NRXN2: variants seen among roughly 807,000 people sequenced by gnomAD.
NRXN2 encodes the protein neurexin-2-beta.
NRXN2 carries 29 observed loss-of-function variants against 128.8 expected under a neutral mutation model. The observed-to-expected ratio is 0.23, with a 90% confidence interval of 0.17 to 0.31. The LOEUF is 0.31. Ranked by LOEUF, NRXN2 falls within the 10% of genes least tolerant of loss-of-function variation. The pLI is 1.00. For missense variants in NRXN2, 1,881 were observed against 2,452.6 expected (o/e 0.77, Z 4.92); for synonymous variants, 1,098 against 1,075.2 (o/e 1.02, Z -0.41).
At chr11:64,690,216 T>G (rs1246823143) in intron 5 of NRXN2, among the ~76,000 whole-genome samples, 189 bp downstream of exon 5, 1 of 152,246 alleles carries the variant, frequency 6.6e-6, no homozygotes, top group African/African-American at 2.4e-5. Context: ...TGGAGGTTTG[T>G]GGCCCTTCAC....
At chr11:64,671,744 G>A (rs1380698544) in intron 7 of NRXN2, among the ~76,000 whole-genome samples, 1 of 152,030 alleles carries the variant, frequency 6.6e-6, no homozygotes, top group Non-Finnish European at 1.5e-5. Context: ...GCTTCCTTCC[G>A]ATGATGGGGG....
At chr11:64,650,741 A>G (rs1591803782) in intron 14 of NRXN2, 103 bp from the exon 15 acceptor site, 1 of 1,151,236 alleles carries the variant, frequency 8.7e-7, no homozygotes. Context: ...GTGCCATGGG[A>G]AGAGGGATTG....
intron 2 of NRXN2, among the ~76,000 whole-genome samples, chr11:64,705,003 G>A (rs1357716100): frequency 6.6e-6 from 1 of 152,168 alleles, no homozygotes; most frequent in Non-Finnish European, 1.5e-5. Context: ...TCTGGGATGG[G>A]TTCCTCTCCA....
chr11:64,678,765 C>T (rs1236827489), intron 6 of NRXN2, among the ~76,000 whole-genome samples: 1 of 151,824 alleles, frequency 6.6e-6, no homozygotes, highest in Non-Finnish European at 1.5e-5. Flanking sequence ...TGCTTGATGC[C>T]TGTTAAATAC....
chr11:64,713,132 C>G lies in NRXN2; in HGVS notation c.568G>C (p.Ala190Pro). ...ANLKLGERPP[A>P]LLGSQGLRGA... ...CGCAGGCCCTGGCTGCCCAGCAGCG[C>G]GGGGGGCCGCTCGCCCAGCTTCAGG... is the stretch of plus-strand genomic sequence containing the variant. The change falls in exon 2 of 23, where the codon GCG (alanine) becomes CCG (proline). Residue 190 changes from alanine to proline, a missense_variant. Ala to Pro is a conservative substitution (Grantham distance 27, BLOSUM62 -1). Transcript: ENST00000265459. 2 of 1,433,062 alleles carry G rather than the reference C, an allele frequency of 1.4e-6. No individual in the cohort carries two copies. The highest frequency in any genetic ancestry group is 1.8e-6 in the Non-Finnish European group (2 of 1,092,876). 88.8% of individuals were successfully genotyped at this position (1,433,062 alleles called of 1,614,324 possible).
At chr11:64,680,469 C>G (rs1565392365) in intron 6 of NRXN2, among the ~76,000 whole-genome samples, 1 of 152,192 alleles carries the variant, frequency 6.6e-6, no homozygotes, top group African/African-American at 2.4e-5. Flanking sequence ...GCATTTTGCA[C>G]CAATGACAAC....
chr11:64,695,055 T>C (rs1409445512), intron 3 of NRXN2, among the ~76,000 whole-genome samples: 3 of 152,140 alleles, frequency 2.0e-5, no homozygotes, highest in Non-Finnish European at 4.4e-5. Context: ...GCACCAGCCA[T>C]CTTGGTGAAG....
chr11:64,642,899 G>C, intron 17 of NRXN2: 2 of 1,030,866 alleles, frequency 1.9e-6, no homozygotes, highest in Non-Finnish European at 2.3e-6. Context: ...TCCGAGCTCC[G>C]GGAGCGGGGT....
chr11:64,722,155 G>A (rs983989571), intron 1 of NRXN2, among the ~76,000 whole-genome samples: 12 of 151,980 alleles, frequency 7.9e-5, no homozygotes, highest in African/African-American at 2.9e-4. Flanking sequence ...CTCTTTAGGG[G>A]TGGGGGAGCA....
At position 64,713,291 on chromosome 11, in the gene NRXN2, C is replaced by A. The variant is rs1337883189; in HGVS notation, c.409G>T (p.Val137Leu). The A allele has an allele frequency of 6.5e-6, 9 of 1,375,704 alleles. No individual in the cohort carries two copies. The highest frequency in any genetic ancestry group is 1.5e-5 in the African/African-American group (1 of 65,662). 85.2% of individuals were successfully genotyped at this position (1,375,704 alleles called of 1,614,324 possible). The change falls in exon 2 of 23, where the codon GTG becomes TTG. Residue 137 changes from valine (V) to leucine (L), a missense_variant. Around this residue, in one of 7 missense-constraint regions of NRXN2, gnomAD observed 997 missense variants for 1,240.8 expected, o/e 0.80. Coordinates refer to ENST00000265459, the MANE Select transcript of NRXN2 (RefSeq NM_015080.4). ...AVDGEARAAEVRSKRREMQVA... is the reference protein window; with the variant it reads ...AVDGEARAAELRSKRREMQVA... The stretch of plus-strand genomic sequence containing the variant: ...TGCATCTCGCGCCGCTTGGAGCGCA[C>A]CTCGGCGGCGCGGGCCTCGCCGTCC...
intron 8 of NRXN2, 62 bp downstream of exon 8, chr11:64,668,381 C>G (rs141220585): frequency 6.3e-7 from 1 of 1,599,118 alleles, no homozygotes; most frequent in African/African-American, 1.3e-5. Context: ...GACTAAGTCA[C>G]GCTGAAGACA....
At chr11:64,645,319 TG>T (rs1038987434) in intron 17 of NRXN2, among the ~76,000 whole-genome samples, 1 of 148,300 alleles carries the variant, frequency 6.7e-6, no homozygotes, top group Non-Finnish European at 1.5e-5. Flanking sequence ...TGGAGAGAGA[TG>T]GGGGGGCCAA....
chr11:64,681,471 A>T (rs1464918869), intron 6 of NRXN2, among the ~76,000 whole-genome samples: 1 of 152,236 alleles, frequency 6.6e-6, no homozygotes, highest in Admixed American at 6.5e-5. Flanking sequence ...GGCTGGCTGG[A>T]GGAAGGGATC....
chr11:64,711,271 G>A (rs563595797), intron 2 of NRXN2, among the ~76,000 whole-genome samples: 1 of 152,192 alleles, frequency 6.6e-6, no homozygotes, highest in Non-Finnish European at 1.5e-5. Flanking sequence ...ACTCTGGGGG[G>A]ACGGACACAC....
chr11:64,719,517 G>A (rs960248342), intron 1 of NRXN2, among the ~76,000 whole-genome samples: 2 of 152,210 alleles, frequency 1.3e-5, no homozygotes, highest in Non-Finnish European at 2.9e-5. Flanking sequence ...TCTGTGTCAT[G>A]GAGAGAAGCA....
At chr11:64,625,200 C>T (rs528903086) in intron 20 of NRXN2, among the ~76,000 whole-genome samples, 1 of 152,378 alleles carries the variant, frequency 6.6e-6, no homozygotes, top group South Asian at 2.1e-4. Flanking sequence ...CTGTCCAGCT[C>T]TCCCTGCTCT....
In NRXN2 at chr11:64,635,199, TGGC is replaced by T; in HGVS notation, c.3585+69_3585+71del. 6.4e-7 allele frequency: 1 copy of T among 1,551,040 alleles called. No individual in the cohort carries two copies. The highest frequency in any genetic ancestry group is 1.4e-5 in the African/African-American group (1 of 73,734). On this transcript the variant is annotated intron_variant, in intron 18 of 22. Coordinates refer to ENST00000265459, the MANE Select transcript of NRXN2 (RefSeq NM_015080.4). This position sits in a 1 kb window ranked among gnomAD's most constrained non-coding sequence, Gnocchi z 4.8. ...GGGAAGACTTGAGGTGCTGATCCCA[TGGC>T]AATGAGGGGCTGAACTGATTTGGGA... is the stretch of plus-strand genomic sequence containing the variant.
At position 64,631,206 on chromosome 11, in the gene NRXN2, A is replaced by G. The variant is rs1024959556; in HGVS notation, c.3586-633T>C. ...ATGGGGGTGGAGGTGGGGGGTGTGGACTGTGTGTATGGTGGGATGGACACC... is the reference window on the plus strand; with the variant it reads ...ATGGGGGTGGAGGTGGGGGGTGTGGGCTGTGTGTATGGTGGGATGGACACC... On this transcript the variant is annotated intron_variant, in intron 18 of 22. Coordinates refer to ENST00000265459, the MANE Select transcript of NRXN2 (RefSeq NM_015080.4). The surrounding 1 kb of genome is among the most constrained non-coding windows in gnomAD (Gnocchi z 4.8). Among the ~76,000 whole-genome samples the G allele has an allele frequency of 6.6e-6, 1 of 150,618 alleles. No individual in the cohort carries two copies. The highest frequency in any genetic ancestry group is 6.6e-5 in the Admixed American group (1 of 15,108).
chr11:64,618,134 C>T (rs1247481552), intron 22 of NRXN2, among the ~76,000 whole-genome samples: 11 of 152,214 alleles, frequency 7.2e-5, no homozygotes, highest in Admixed American at 6.5e-4. Context: ...GCTTCAGCGC[C>T]TCCTCACCCT....
Sources: allele counts gnomAD v4.1 joint callset (sites outside exome capture counted in the v4.1 genomes callset), GRCh38; gene constraint gnomAD v4.1.1; regional missense constraint gnomAD v4.1.1; non-coding constraint Gnocchi (gnomAD v3.1); transcripts MANE v1.5; gene names NCBI Gene and HGNC (gene_info 2026-07-23, HGNC 2026-07-21).